Variants in RIMS2 observed in about 807,000 individuals in gnomAD.
RIMS2 encodes regulating synaptic membrane exocytosis protein 2.
In RIMS2, 59 loss-of-function variants were observed where a neutral mutation model predicts 174.4. The observed-to-expected ratio is 0.34, with a 90% CI of 0.27 to 0.42. The LOEUF is 0.42. Among genes scored for constraint, RIMS2 ranks in the 10% least tolerant of loss-of-function variants. The pLI is 1.00. For synonymous variants in RIMS2, 606 were observed against 572.5 expected, an observed-to-expected ratio of 1.06 and a Z score of -0.84; for missense variants, 1,620 against 1,666.3, an observed-to-expected ratio of 0.97 and a Z score of 0.48.
chr8:104,059,704 G>T (rs1285356996), intron 19 of RIMS2, among the ~76,000 whole-genome samples: 3 of 150,554 alleles, frequency 2.0e-5, no homozygotes, highest in Non-Finnish European at 4.4e-5. Flanking sequence ...TTGGCTGTGG[G>T]TTTGTCATAG....
intron 19 of RIMS2, among the ~76,000 whole-genome samples, chr8:104,138,880 T>C (rs2098543873): frequency 6.6e-6 from 1 of 152,212 alleles, no homozygotes; most frequent in African/African-American, 2.4e-5. Context: ...TGTTTTCTTT[T>C]AGTAGTTTCA....
At chr8:104,014,425 A>G in intron 18 of RIMS2, 81 bp from the exon 21 acceptor site, 1 of 731,874 alleles carries the variant, frequency 1.4e-6, no homozygotes, top group Non-Finnish European at 2.3e-6. Context: ...GTATTTATAC[A>G]GCTATCATAT....
chr8:104,035,764 T>C (rs1410878101), intron 19 of RIMS2, among the ~76,000 whole-genome samples: 1 of 152,070 alleles, frequency 6.6e-6, no homozygotes, highest in African/African-American at 2.4e-5. Flanking sequence ...AGCCATCCAG[T>C]CTGGAAAAAG....
intron 3 of RIMS2, among the ~76,000 whole-genome samples, chr8:103,851,554 A>T (rs2098997973): frequency 6.6e-6 from 1 of 151,754 alleles, no homozygotes; most frequent in African/African-American, 2.4e-5. Context: ...TGTACTGAAA[A>T]TAGTTTGATT....
At chr8:104,142,361 C>T (rs1160084990) in intron 19 of RIMS2, among the ~76,000 whole-genome samples, 6 of 151,902 alleles carry the variant, frequency 3.9e-5, no homozygotes. Flanking sequence ...ACTTCTCACC[C>T]CAGGTGGTCC....
At chr8:104,222,137 T>C (rs1011977933) in intron 19 of RIMS2, among the ~76,000 whole-genome samples, 2 of 152,218 alleles carry the variant, frequency 1.3e-5, no homozygotes, top group Non-Finnish European at 2.9e-5. Flanking sequence ...CCCATACCTC[T>C]TAACTTTTTA....
chr8:103,706,316 A>G (rs1172916205), intron 2 of RIMS2, among the ~76,000 whole-genome samples: 2 of 152,136 alleles, frequency 1.3e-5, no homozygotes, highest in African/African-American at 2.4e-5. Flanking sequence ...TTTAGTCTTC[A>G]TACTAAAGAC....
intron 1 of RIMS2, among the ~76,000 whole-genome samples, chr8:103,562,634 A>C (rs377765136): frequency 6.6e-6 from 1 of 152,066 alleles, no homozygotes; most frequent in East Asian, 1.9e-4. Context: ...CAGTGGGTCT[A>C]CTATTCTGGG....
chr8:103,857,408 T>A (rs961650008), intron 3 of RIMS2, among the ~76,000 whole-genome samples: 4 of 152,146 alleles, frequency 2.6e-5, no homozygotes, highest in African/African-American at 9.7e-5. Context: ...TTTGTTCATA[T>A]ATATTATAAA....
chr8:104,142,829 C>T (rs73699078), intron 19 of RIMS2, among the ~76,000 whole-genome samples: 2,802 of 152,282 alleles, frequency 0.018, 104 homozygotes, highest in African/African-American at 0.063. Context: ...CACACGCGTG[C>T]ACCCTCTAAT....
intron 6 of RIMS2, among the ~76,000 whole-genome samples, chr8:103,915,014 T>C (rs566756012): frequency 6.6e-6 from 1 of 152,252 alleles, no homozygotes; most frequent in East Asian, 1.9e-4. Flanking sequence ...TTGTAATTTT[T>C]TTCAAGAAAG....
At chr8:103,816,756 T>G (rs1038328935) in intron 3 of RIMS2, among the ~76,000 whole-genome samples, 3 of 152,102 alleles carry the variant, frequency 2.0e-5, no homozygotes, top group Non-Finnish European at 2.9e-5. Flanking sequence ...GCTGGAAAAA[T>G]AAGTCTCTGA....
intron 3 of RIMS2, among the ~76,000 whole-genome samples, chr8:103,766,739 G>A (rs1421547494): frequency 6.6e-6 from 1 of 152,166 alleles, no homozygotes; most frequent in Admixed American, 6.5e-5. Context: ...ATGTGGGAGT[G>A]TTAGGTTATC....
At chr8:103,619,616 C>T (rs924385040) in intron 1 of RIMS2, among the ~76,000 whole-genome samples, 1 of 152,046 alleles carries the variant, frequency 6.6e-6, no homozygotes, top group Non-Finnish European at 1.5e-5. Context: ...ATCAGAACTA[C>T]AAAAAGGAGG....
At chr8:103,522,413 ATTATTGGTCATGTTAAACAGAG>A (rs1343792843) in intron 1 of RIMS2, among the ~76,000 whole-genome samples, 1 of 152,106 alleles carries the variant, frequency 6.6e-6, no homozygotes, top group African/African-American at 2.4e-5. Context: ...AGAAGAAAAA[ATTATTGGTCATGTTAAACAGAG>A]TTGTTCTGAT....
intron 3 of RIMS2, among the ~76,000 whole-genome samples, chr8:103,788,160 T>A (rs1427892378): frequency 6.7e-6 from 1 of 149,334 alleles, no homozygotes; most frequent in Admixed American, 6.7e-5. Flanking sequence ...GTTATTCTAG[T>A]TATACATTCT....
At chr8:103,512,312 A>G (rs1336708601) in intron 1 of RIMS2, among the ~76,000 whole-genome samples, 1 of 152,220 alleles carries the variant, frequency 6.6e-6, no homozygotes, top group Non-Finnish European at 1.5e-5. Context: ...AAAGCAGGTC[A>G]AAGAAGGGTG....
At chr8:103,633,201 T>TTTTTTGTA (rs1472366512) in intron 1 of RIMS2, among the ~76,000 whole-genome samples, 1 of 151,066 alleles carries the variant, frequency 6.6e-6, no homozygotes, top group African/African-American at 2.4e-5. Context: ...TATTTTTTTT[T>TTTTTTGTA]TTTTTTTGTA....
intron 1 of RIMS2, among the ~76,000 whole-genome samples, chr8:103,679,694 T>C (rs1036600531): frequency 3.9e-5 from 6 of 151,984 alleles, no homozygotes; most frequent in Admixed American, 3.3e-4. Flanking sequence ...AGGGAGACTT[T>C]GATATAGAAG....
Sources: gnomAD v4.1 joint callset for allele counts (sites outside exome capture counted in the v4.1 genomes callset) on GRCh38, gnomAD v4.1.1 for gene constraint, MANE v1.5 for transcripts, NCBI Gene and HGNC (gene_info 2026-07-23, HGNC 2026-07-21) for gene names.